EFHB: variants seen among roughly 807,000 people sequenced by gnomAD.
The protein encoded by EFHB is EF-hand domain family member B.
A neutral mutation model predicts 87.2 loss-of-function variants in EFHB; 91 were observed. The observed-to-expected ratio is 1.04, with a 90% confidence interval of 0.88 to 1.24. The LOEUF (loss-of-function observed/expected upper bound fraction) is 1.24. Among genes scored for constraint, EFHB ranks in the 50% most tolerant of loss-of-function variants. EFHB has a pLI of 0.00. For missense variants in EFHB, 1,084 were observed against 998.8 expected, an observed-to-expected ratio of 1.09 and a Z score of -1.15; for synonymous variants, 325 against 333.6, an observed-to-expected ratio of 0.97 and a Z score of 0.28.
chr3:19,882,055 A>AAATAATTAAATAAT (rs1559441353), intron 12 of EFHB, among the ~76,000 whole-genome samples: 3 of 140,130 alleles, frequency 2.1e-5, no homozygotes, highest in Non-Finnish European at 4.5e-5. Context: ...AAATAAATAA[A>AAATAATTAAATAAT]TAAATAATTA....
At chr3:19,934,228 T>C, upstream of EFHB, 1 of 1,429,798 alleles carries the variant, frequency 7.0e-7, no homozygotes, top group Non-Finnish European at 9.1e-7. Flanking sequence ...GTTTATCAGG[T>C]TACCTGGGAA....
At chr3:19,903,988 C>T (rs1322126321) in intron 6 of EFHB, among the ~76,000 whole-genome samples, 1 of 152,156 alleles carries the variant, frequency 6.6e-6, no homozygotes, top group Non-Finnish European at 1.5e-5. Flanking sequence ...TAGAATTAAA[C>T]TAATAATATA....
chr3:19,945,600 G>C (rs980736461), intron 1 of EFHB, among the ~76,000 whole-genome samples: 5 of 152,096 alleles, frequency 3.3e-5, no homozygotes, highest in Admixed American at 1.3e-4. Context: ...AATAGGTTTC[G>C]TTTTGGGCAT....
chr3:19,888,470 T>C lies in EFHB; in HGVS notation c.1907A>G (p.Glu636Gly), dbSNP rs913108329. 7 of 1,561,652 alleles carry C rather than the reference T, an allele frequency of 4.5e-6. 1 individual carries two copies. Among genetic ancestry groups the C allele is most frequent in the Admixed American group, 3.8e-5 (2 of 52,540 alleles). Reference sequence around the variant, plus strand: ...TTTAATAATGACCCTCTCTTCATACTCTTTAAGAAGCATTTTGTCTTTCCA... The same window carrying C: ...TTTAATAATGACCCTCTCTTCATACCCTTTAAGAAGCATTTTGTCTTTCCA... ...LNWKDKMLLK[E>G]YEERVIIKGR... The change falls in exon 10 of 13, where the codon GAG (glutamate) becomes GGG (glycine). Residue 636 changes from glutamate to glycine, a missense_variant. Physicochemically the swap from Glu to Gly is moderately conservative, Grantham distance 98. Coordinates refer to ENST00000295824, the MANE Select transcript of EFHB (RefSeq NM_144715.4).
At chr3:19,902,418 C>T (rs895878206) in intron 6 of EFHB, among the ~76,000 whole-genome samples, 2 of 151,990 alleles carry the variant, frequency 1.3e-5, no homozygotes, top group African/African-American at 4.8e-5. Context: ...GCAATGGCGC[C>T]ATCTCAGCTC....
intron 5 of EFHB, among the ~76,000 whole-genome samples, chr3:19,911,557 CA>C (rs1306104409): frequency 6.6e-6 from 1 of 151,200 alleles, no homozygotes; most frequent in African/African-American, 2.4e-5. Context: ...GACTCCATTT[CA>C]AAAAACAAAA....
rs1224094416 is a variant in EFHB, at chr3:19,926,620, A to G, written c.790-6053T>C. On this transcript the variant is annotated intron_variant, in intron 1 of 12. Transcript: ENST00000295824. ...CTTCGTGATCCCGTCTCGGCCTCCC[A>G]AAGTGCTGGGATTACAGGCTTGAGC... 2.0e-5 allele frequency among the ~76,000 whole-genome samples: 3 copies of G among 151,568 alleles called. No individual in the cohort carries two copies. In the East Asian group the frequency reaches 5.9e-4, roughly 30 times the overall value.
At chr3:19,909,911 G>A (rs1280077371) in intron 5 of EFHB, among the ~76,000 whole-genome samples, 1 of 152,028 alleles carries the variant, frequency 6.6e-6, no homozygotes, top group African/African-American at 2.4e-5. Context: ...CCTGCTAACC[G>A]AAGAGCTCTT....
At chr3:19,913,959 C>G (rs1385835091) in intron 5 of EFHB, among the ~76,000 whole-genome samples, 4 of 152,164 alleles carry the variant, frequency 2.6e-5, no homozygotes, top group Non-Finnish European at 4.4e-5. Context: ...ATAAATGGTG[C>G]TGGGAAAACT....
At chr3:19,928,709 C>T (rs1406912283) in intron 1 of EFHB, among the ~76,000 whole-genome samples, 1 of 152,112 alleles carries the variant, frequency 6.6e-6, no homozygotes, top group Non-Finnish European at 1.5e-5. Flanking sequence ...CCTCCCAAAG[C>T]ACTGGGATTT....
intron 10 of EFHB, among the ~76,000 whole-genome samples, chr3:19,887,818 A>C (rs1694158693): frequency 6.6e-6 from 1 of 152,316 alleles, no homozygotes; most frequent in African/African-American, 2.4e-5. Context: ...TTTTATACAA[A>C]ATTTTTAAAA....
chr3:19,919,304 C>G (rs1695353096), intron 3 of EFHB, among the ~76,000 whole-genome samples: 3 of 151,806 alleles, frequency 2.0e-5, no homozygotes, highest in South Asian at 2.1e-4. Context: ...TCAAGTGATT[C>G]TCCTGCCTCA....
At chr3:19,921,795 G>A (rs984715903) in intron 1 of EFHB, among the ~76,000 whole-genome samples, 2 of 152,092 alleles carry the variant, frequency 1.3e-5, no homozygotes, top group African/African-American at 4.8e-5. Flanking sequence ...TCAGTTGTAA[G>A]TTATAAGAAA....
chr3:19,929,194 A>G (rs1281922751), intron 1 of EFHB, among the ~76,000 whole-genome samples: 1 of 136,306 alleles, frequency 7.3e-6, no homozygotes, highest in Non-Finnish European at 1.6e-5. Context: ...ATATAAAAAG[A>G]CTTTTTTTTT....
chr3:19,884,851 C>T (rs1000972058), intron 10 of EFHB, among the ~76,000 whole-genome samples: 1 of 150,120 alleles, frequency 6.7e-6, no homozygotes, highest in Non-Finnish European at 1.5e-5. Context: ...TCACTTTATT[C>T]TAGAATAAAG....
At chr3:19,927,222 A>C in intron 1 of EFHB, among the ~76,000 whole-genome samples, 1 of 152,198 alleles carries the variant, frequency 6.6e-6, no homozygotes, top group East Asian at 1.9e-4. Context: ...GCATTGATGG[A>C]AATCAAGGGA....
At chr3:19,913,371 C>T (rs1159021062) in intron 5 of EFHB, among the ~76,000 whole-genome samples, 1 of 152,042 alleles carries the variant, frequency 6.6e-6, no homozygotes, top group Non-Finnish European at 1.5e-5. Context: ...AATAAACATA[C>T]AAAAATCAGT....
chr3:19,946,098 T>G (rs1362828329), intron 1 of EFHB: 2 of 152,158 alleles, frequency 1.3e-5, no homozygotes, highest in Non-Finnish European at 2.9e-5. Flanking sequence ...AGGTCCCCCG[T>G]GGAGGGTAAC....
chr3:19,882,319 C>T (rs1276496506), intron 12 of EFHB, among the ~76,000 whole-genome samples: 2 of 152,072 alleles, frequency 1.3e-5, no homozygotes, highest in South Asian at 2.1e-4. Context: ...TTCTTCTTTA[C>T]GTGGACCATA....
Sources: allele counts gnomAD v4.1 joint callset (sites outside exome capture counted in the v4.1 genomes callset), GRCh38; gene constraint gnomAD v4.1.1; transcripts MANE v1.5; gene names NCBI Gene and HGNC (gene_info 2026-07-23, HGNC 2026-07-21).